The following PTPRZ1 variants were observed in gnomAD, a reference collection of about 807,000 sequenced individuals.
PTPRZ1 encodes protein tyrosine phosphatase receptor type Z1, also known as receptor-type tyrosine-protein phosphatase zeta.
In PTPRZ1, 82 loss-of-function variants were observed where a neutral mutation model predicts 214.1. The observed-to-expected ratio is 0.38, with a 90% confidence interval of 0.32 to 0.46. The LOEUF is 0.46. Among genes scored for constraint, PTPRZ1 ranks in the 20% least tolerant of loss-of-function variants. The pLI is 1.00. For missense variants in PTPRZ1, 2,603 were observed against 2,748.7 expected (o/e 0.95, Z 1.19); for synonymous variants, 945 against 987.9 (o/e 0.96, Z 0.81).
intron 10 of PTPRZ1, among the ~76,000 whole-genome samples, chr7:122,003,006 TAAGG>T (rs949382986): frequency 6.6e-6 from 1 of 152,222 alleles, no homozygotes; most frequent in Non-Finnish European, 1.5e-5. Flanking sequence ...TAGAAAATCA[TAAGG>T]AAGGTCATTT....
At chr7:121,979,704 A>G (rs528253890) in intron 6 of PTPRZ1, among the ~76,000 whole-genome samples, 9 of 152,288 alleles carry the variant, frequency 5.9e-5, no homozygotes, top group Admixed American at 3.9e-4. Context: ...GCAAATAATG[A>G]TTGCAAAAAT....
In PTPRZ1 at chr7:122,013,107, C is replaced by G; in HGVS notation, c.4061C>G (p.Thr1354Arg). The G allele has an allele frequency of 6.2e-7, 1 of 1,613,946 alleles. No homozygotes were observed. The highest frequency in any genetic ancestry group is 1.3e-5 in the African/African-American group (1 of 75,048). The change falls in exon 12 of 30, where the codon ACA becomes AGA. Residue 1354 changes from threonine (T) to arginine (R), a missense_variant. Transcript: ENST00000393386. ...GGTAAGGTATTTGCTGGTATTCCAACAGTTGCTTCTGATACATTTGTATCT... is the reference window on the plus strand; with the variant it reads ...GGTAAGGTATTTGCTGGTATTCCAAGAGTTGCTTCTGATACATTTGTATCT... Reference protein sequence around the residue: ...VTGKVFAGIPTVASDTFVSTD... With the variant: ...VTGKVFAGIPRVASDTFVSTD...
At chr7:121,984,154 G>A in intron 8 of PTPRZ1, 37 bp downstream of exon 8, 1 of 1,581,676 alleles carries the variant, frequency 6.3e-7, no homozygotes, top group Non-Finnish European at 8.6e-7. Flanking sequence ...AACTCTCATA[G>A]ATGCAGTGTT....
rs573698314 is a variant in PTPRZ1 at position 121,946,001 on chromosome 7, A to G, written c.124+17780A>G. Among the ~76,000 whole-genome samples the G allele has an allele frequency of 3.9e-5, 6 of 152,270 alleles. No homozygotes were observed. The East Asian group carries it at 1.2e-3, about 29-fold the overall frequency. On this transcript the variant is annotated intron_variant, in intron 2 of 29. Coordinates refer to ENST00000393386, the MANE Select transcript of PTPRZ1 (RefSeq NM_002851.3). The stretch of plus-strand genomic sequence containing the variant: ...CATTCCCTAAGTGTAAATCTCCTTC[A>G]CTCATTAAAAGTTCTGCACCACACC...
chr7:122,060,566 A>G (rs951693969), intron 29 of PTPRZ1, among the ~76,000 whole-genome samples: 1 of 152,172 alleles, frequency 6.6e-6, no homozygotes, highest in Non-Finnish European at 1.5e-5. Context: ...TGCTCATAGC[A>G]GGGCATAGGA....
At chr7:122,005,821 A>G (rs1163395265) in intron 11 of PTPRZ1, among the ~76,000 whole-genome samples, 6 of 152,052 alleles carry the variant, frequency 3.9e-5, no homozygotes, top group Non-Finnish European at 7.4e-5. Flanking sequence ...TGTCTTTTAT[A>G]TAAGTATTAC....
At chr7:122,033,151 C>A (rs887856663) in intron 15 of PTPRZ1, among the ~76,000 whole-genome samples, 1 of 151,964 alleles carries the variant, frequency 6.6e-6, no homozygotes, top group Non-Finnish European at 1.5e-5. Context: ...AATTCTATCT[C>A]TTTTAACTCA....
intron 1 of PTPRZ1, among the ~76,000 whole-genome samples, chr7:121,919,998 C>A (rs1795544078): frequency 6.6e-6 from 1 of 152,062 alleles, no homozygotes; most frequent in Non-Finnish European, 1.5e-5. Flanking sequence ...CACAACTTCC[C>A]CAAATTCACT....
At position 122,044,488 on chromosome 7, in the gene PTPRZ1, G is replaced by A. The variant is rs1293176044; in HGVS notation, c.6004G>A (p.Asp2002Asn). The A allele has an allele frequency of 6.2e-7, 1 of 1,613,912 alleles. No individual in the cohort carries two copies. Among genetic ancestry groups the A allele is most frequent in the East Asian group, 2.2e-5 (1 of 44,864 alleles). Residue 2002 changes from aspartate to asparagine, a missense_variant, in exon 23 of 30, where the codon GAC (aspartate) becomes AAC (asparagine). Physicochemically the swap from Asp to Asn is conservative, Grantham distance 23. Transcript: ENST00000393386. ...AILSKETEVL[D>N]SHIHAYVNAL... ...ACTTAGTAAAGAAACTGAGGTGCTG[G>A]ACAGTCATATTCATGCCTATGTTAA...
chr7:121,899,815 G>C (rs1794905906), intron 1 of PTPRZ1, among the ~76,000 whole-genome samples: 1 of 152,164 alleles, frequency 6.6e-6, no homozygotes, highest in Admixed American at 6.5e-5. Context: ...TGGACTATTG[G>C]AGACCAAGCT....
chr7:121,996,808 T>A (rs532393740), intron 9 of PTPRZ1, among the ~76,000 whole-genome samples: 3 of 152,140 alleles, frequency 2.0e-5, no homozygotes, highest in Non-Finnish European at 2.9e-5. Flanking sequence ...CACTATAGAG[T>A]AGATACATAT....
chr7:122,001,221 A>G (rs929630773), intron 10 of PTPRZ1, among the ~76,000 whole-genome samples: 3 of 152,166 alleles, frequency 2.0e-5, no homozygotes, highest in African/African-American at 7.2e-5. Flanking sequence ...ATTAATTTAA[A>G]TTTATCAAGG....
intron 23 of PTPRZ1, among the ~76,000 whole-genome samples, chr7:122,046,904 C>T (rs1390614111): frequency 6.6e-6 from 1 of 151,906 alleles, no homozygotes; most frequent in Non-Finnish European, 1.5e-5. Context: ...GATAAAATAG[C>T]CAATTAAAAA....
chr7:121,928,023 G>A (rs1422895057), intron 1 of PTPRZ1, 133 bp from the exon 2 acceptor site: 1 of 684,642 alleles, frequency 1.5e-6, no homozygotes, highest in Admixed American at 2.2e-5. Context: ...GGTTGAGGTT[G>A]AGAGAACACA....
chr7:122,057,352 C>T (rs532606675), intron 27 of PTPRZ1, among the ~76,000 whole-genome samples: 4 of 151,910 alleles, frequency 2.6e-5, no homozygotes, highest in African/African-American at 2.4e-5. Context: ...AAGTTTTCAA[C>T]ATAACTTTAC....
Position 122,012,849 on chromosome 7 carries a change from A to C in PTPRZ1, c.3803A>C (p.Lys1268Thr). ...QGLTISYASE[K>T]YEPVLLKSES... ...TTGACCATTTCCTATGCAAGTGAGA[A>C]ATATGAACCAGTTTTGTTAAAAAGT... Residue 1268 changes from lysine to threonine, a missense_variant, in exon 12 of 30, where the codon AAA becomes ACA. This residue lies in a region of PTPRZ1 where 1,913 missense variants were observed against 1,914.3 expected (regional missense o/e 1.00). Coordinates refer to ENST00000393386, the MANE Select transcript of PTPRZ1 (RefSeq NM_002851.3). The C allele has an allele frequency of 6.2e-7, 1 of 1,613,758 alleles. No individual in the cohort carries two copies. Among genetic ancestry groups the C allele is most frequent in the East Asian group, 2.2e-5 (1 of 44,898 alleles).
chr7:122,046,895 A>T (rs1456044646), intron 23 of PTPRZ1, among the ~76,000 whole-genome samples: 1 of 152,202 alleles, frequency 6.6e-6, no homozygotes, highest in African/African-American at 2.4e-5. Context: ...TCGGAATTGG[A>T]TAAAATAGCC....
intron 1 of PTPRZ1, among the ~76,000 whole-genome samples, chr7:121,893,369 G>A (rs182351559): frequency 2.6e-5 from 4 of 152,308 alleles, no homozygotes; most frequent in East Asian, 3.9e-4. Flanking sequence ...GGTTTGCACC[G>A]TGGTGTCGAC....
intron 23 of PTPRZ1, among the ~76,000 whole-genome samples, chr7:122,046,862 C>T (rs911341726): frequency 4.0e-5 from 6 of 151,666 alleles, no homozygotes; most frequent in African/African-American, 4.8e-5. Flanking sequence ...GAGTGATCAG[C>T]GTAGAGATGG....
Sources: gnomAD v4.1 joint callset for allele counts (sites outside exome capture counted in the v4.1 genomes callset) on GRCh38, gnomAD v4.1.1 for gene constraint, gnomAD v4.1.1 regional missense constraint, MANE v1.5 for transcripts, NCBI Gene and HGNC (gene_info 2026-07-23, HGNC 2026-07-21) for gene names.